FNBP4: variants seen among roughly 807,000 people sequenced by gnomAD.
FNBP4 encodes the protein formin binding protein 4, also known as formin-binding protein 4.
In FNBP4, 34 loss-of-function variants were observed where a neutral mutation model predicts 119.3. That is an observed-to-expected ratio of 0.28 (90% CI 0.22 to 0.38). FNBP4 has a LOEUF of 0.38. Ranked by LOEUF, FNBP4 falls within the 10% of genes least tolerant of loss-of-function variation. The probability of loss-of-function intolerance (pLI) is 1.00; values close to 1 mark genes in which losing one functional copy is unlikely to be tolerated. For missense variants in FNBP4, 1,112 were observed against 1,228.9 expected, an observed-to-expected ratio of 0.90 and a Z score of 1.42; for synonymous variants, 462 against 430.6, an observed-to-expected ratio of 1.07 and a Z score of -0.90.
intron 13 of FNBP4, 98 bp downstream of exon 13, chr11:47,724,370 C>G: frequency 6.3e-7 from 1 of 1,583,200 alleles, no homozygotes; most frequent in East Asian, 2.2e-5. Context: ...CGTGAGCCAC[C>G]GTGCCCGGCC....
chr11:47,732,728 C>A lies in FNBP4; in HGVS notation c.1687-58G>T. 2.6e-6 allele frequency: 4 copies of A among 1,529,060 alleles called. No homozygotes were observed. The highest frequency in any genetic ancestry group is 3.6e-6 in the Non-Finnish European group (4 of 1,104,290). 94.7% of individuals were successfully genotyped at this position (1,529,060 alleles called of 1,614,324 possible). A position where few individuals can be genotyped will look rare whatever the true frequency, so the allele number is the denominator to read the frequency against. On this transcript the variant is annotated intron_variant, in intron 10 of 16. Transcript: ENST00000263773. The surrounding 1 kb of genome is among the most constrained non-coding windows in gnomAD (Gnocchi z 4.2). ...ATTATTACATGTCAGGAGACACAGGCAAAGGGGATATAAACCTTCTGCTCC... is the reference window on the plus strand; with the variant it reads ...ATTATTACATGTCAGGAGACACAGGAAAAGGGGATATAAACCTTCTGCTCC...
chr11:47,743,796 A>G (rs199828991), intron 8 of FNBP4, 157 bp downstream of exon 8: 1 of 664,780 alleles, frequency 1.5e-6, no homozygotes, highest in East Asian at 2.7e-5. Context: ...AAGATCTGGA[A>G]AAGGTAGAGA....
chr11:47,728,118 C>T (rs981812624), intron 12 of FNBP4, among the ~76,000 whole-genome samples: 6 of 152,082 alleles, frequency 3.9e-5, no homozygotes, highest in African/African-American at 1.4e-4. Flanking sequence ...TCAGGTGATC[C>T]TCCTGCCTCA....
chr11:47,717,427 T>C lies in FNBP4; in HGVS notation c.3049A>G (p.Thr1017Ala). Residue 1017 changes from threonine to alanine, a missense_variant, in exon 17 of 17, where the codon ACA becomes GCA. Thr to Ala is a moderately conservative substitution (Grantham distance 58, BLOSUM62 0). Transcript: ENST00000263773. ...RLKRRKMAPN[T>A] ...AAGTTTTAAAAACTTAAAAACTATG[T>C]GTTTGGAGCCATTTTCCTTCTCTTC... The C allele has an allele frequency of 6.2e-7, 1 of 1,608,006 alleles. No homozygotes were observed. Among genetic ancestry groups the C allele is most frequent in the Non-Finnish European group, 8.5e-7 (1 of 1,177,238 alleles).
At position 47,719,964 on chromosome 11, in the gene FNBP4, C is replaced by A; in HGVS notation, c.2928G>T (p.Lys976Asn). The A allele has an allele frequency of 1.2e-6, 2 of 1,614,012 alleles. No individual in the cohort carries two copies. Among genetic ancestry groups the A allele is most frequent in the Non-Finnish European group, 1.7e-6 (2 of 1,179,942 alleles). ...SEEDRESTAQ[K>N]RIEEWKQQQL... ...GCTGCTGTTTCCACTCTTCAATTCGCTTCTGTGCAGTTGATTCCCGATCCT... is the reference window on the plus strand; with the variant it reads ...GCTGCTGTTTCCACTCTTCAATTCGATTCTGTGCAGTTGATTCCCGATCCT... The change falls in exon 16 of 17, where the codon AAG (lysine) becomes AAT (asparagine). Residue 976 changes from lysine to asparagine, a missense_variant. Coordinates refer to ENST00000263773, the MANE Select transcript of FNBP4 (RefSeq NM_015308.5).
At chr11:47,731,662 C>G in intron 11 of FNBP4, 101 bp from the exon 12 acceptor site, 1 of 1,493,732 alleles carries the variant, frequency 6.7e-7, no homozygotes, top group Non-Finnish European at 8.8e-7. Context: ...TTCACAGGGA[C>G]GAACCTCTTA....
chr11:47,752,687 G>A (rs919379089), intron 4 of FNBP4: 11 of 420,792 alleles, frequency 2.6e-5, no homozygotes, highest in African/African-American at 4.0e-5. Context: ...GGCAGTGTGC[G>A]CCTGTAGTCC....
At chr11:47,765,468 C>T in intron 1 of FNBP4, 106 bp from the exon 2 acceptor site, 1 of 778,376 alleles carries the variant, frequency 1.3e-6, no homozygotes, top group Non-Finnish European at 2.1e-6. Context: ...ACAAACCAAC[C>T]TTTGATTTAA....
At chr11:47,758,938 AG>A (rs200647502) in intron 2 of FNBP4, among the ~76,000 whole-genome samples, 3,037 of 136,122 alleles carry the variant, frequency 0.022, 122 homozygotes, top group African/African-American at 0.081. Flanking sequence ...TTTTTTTTTG[AG>A]ATAGAGTCTC....
At chr11:47,736,279 G>A (rs934019866) in intron 9 of FNBP4, among the ~76,000 whole-genome samples, 11 of 148,168 alleles carry the variant, frequency 7.4e-5, no homozygotes, top group Non-Finnish European at 1.6e-4. Context: ...TTGGCGGGCC[G>A]GGCGCAGTGG....
Position 47,746,364 on chromosome 11 carries a change from T to C in FNBP4, c.937A>G (p.Asn313Asp). 6.2e-7 allele frequency: 1 copy of C among 1,606,966 alleles called. No individual in the cohort carries two copies. Residue 313 changes from asparagine (N) to aspartate (D), a missense_variant, in exon 7 of 17, where the codon AAT becomes GAT. Around this residue, in one of 2 missense-constraint regions of FNBP4, gnomAD observed 826 missense variants for 988.8 expected, o/e 0.84. Transcript: ENST00000263773. The part of the protein sequence containing the change: ...EVNEGIQALS[N>D]SEEEKKGVAA... ...ACCCCTTTCTTCTCCTCCTCACTATTTGAGAGAGCCTGAATTCCTTCATTT... is the reference window on the plus strand; with the variant it reads ...ACCCCTTTCTTCTCCTCCTCACTATCTGAGAGAGCCTGAATTCCTTCATTT...
intron 2 of FNBP4, among the ~76,000 whole-genome samples, chr11:47,760,232 CAG>C (rs151122457): frequency 0.036 from 5,343 of 150,204 alleles, 94 homozygotes; most frequent in Middle Eastern, 0.066. Flanking sequence ...GTGAGAAATT[CAG>C]AGAGACATCA....
intron 2 of FNBP4, among the ~76,000 whole-genome samples, chr11:47,756,796 T>C (rs1454602890): frequency 6.6e-6 from 1 of 151,766 alleles, no homozygotes; most frequent in Non-Finnish European, 1.5e-5. Flanking sequence ...TATGTGGTGT[T>C]TGGTTTTCTG....
At chr11:47,767,043 G>C in intron 1 of FNBP4, 26 bp downstream of exon 1, 3 of 1,519,172 alleles carry the variant, frequency 2.0e-6, no homozygotes, top group Non-Finnish European at 2.6e-6. Context: ...CTGAGCTCGA[G>C]TTCAGGTCCC....
chr11:47,752,881 T>G (rs764325506), intron 4 of FNBP4, 35 bp downstream of exon 4: 48 of 1,561,002 alleles, frequency 3.1e-5, no homozygotes, highest in Non-Finnish European at 4.2e-5. Flanking sequence ...TTTAAGGATT[T>G]TACTTTTCTT....
In FNBP4 at chr11:47,749,911, C is replaced by G. The variant is rs553378451; in HGVS notation, c.906+1005G>C. Among the ~76,000 whole-genome samples the G allele has an allele frequency of 5.9e-5, 9 of 152,300 alleles. No homozygotes were observed. In the South Asian group the frequency reaches 1.7e-3, roughly 28 times the overall value. ...CCAGGCATTTCAATTAAGAAATACT[C>G]AACCTGCAGTAGTTTTTAAAGTAGT... is the stretch of plus-strand genomic sequence containing the variant. On this transcript the variant is annotated intron_variant, in intron 6 of 16. Transcript: ENST00000263773.
chr11:47,732,381 C>G lies in FNBP4; in HGVS notation c.1820+156G>C, dbSNP rs1175446011. Reference sequence around the variant, plus strand: ...TTTTGTTTCTCCAATGTGTGGCTGGCCAAACTTTGTGCTTGCGGTGCTTTG... The same window carrying G: ...TTTTGTTTCTCCAATGTGTGGCTGGGCAAACTTTGTGCTTGCGGTGCTTTG... On this transcript the variant is annotated intron_variant, in intron 11 of 16. Transcript: ENST00000263773. The surrounding 1 kb of genome is among the most constrained non-coding windows in gnomAD (Gnocchi z 4.2). 2.0e-6 allele frequency: 3 copies of G among 1,511,622 alleles called. No individual in the cohort carries two copies. In the Admixed American group the frequency reaches 6.9e-5, roughly 35 times the overall value. 93.6% of individuals were successfully genotyped at this position (1,511,622 alleles called of 1,614,324 possible). A position where few individuals can be genotyped will look rare whatever the true frequency, so the allele number is the denominator to read the frequency against.
Position 47,731,405 on chromosome 11 carries a change from T to G in FNBP4, c.1977A>C (p.Ser659=). ...QTLKDKTGTD[S]NSTESSETST... is the part of the protein sequence containing the mutation. ...AAGTTTCAGAGGATTCTGTTGAATT[T>G]GAATCAGTGCCAGTTTTGTCTTTCA... The change falls in exon 12 of 17, where the codon TCA becomes TCC. Residue 659 remains serine, a synonymous_variant. Transcript: ENST00000263773. 6.2e-7 allele frequency: 1 copy of G among 1,613,570 alleles called. No individual in the cohort carries two copies. The highest frequency in any genetic ancestry group is 8.5e-7 in the Non-Finnish European group (1 of 1,179,834).
chr11:47,762,896 A>G (rs913396239), intron 2 of FNBP4, among the ~76,000 whole-genome samples: 5 of 106,284 alleles, frequency 4.7e-5, no homozygotes. Flanking sequence ...GGCAACAGAG[A>G]CTCTGATTCC....
Sources: allele counts gnomAD v4.1 joint callset (sites outside exome capture counted in the v4.1 genomes callset), GRCh38; gene constraint gnomAD v4.1.1; regional missense constraint gnomAD v4.1.1; non-coding constraint Gnocchi (gnomAD v3.1); transcripts MANE v1.5; gene names NCBI Gene and HGNC (gene_info 2026-07-23, HGNC 2026-07-21).